The following BAIAP2 variants were observed in gnomAD, a reference collection of about 807,000 sequenced individuals.
BAIAP2 encodes BAR/IMD domain containing adaptor protein 2.
BAIAP2 carries 18 observed loss-of-function variants against 63.0 expected under a neutral mutation model. The observed-to-expected ratio is 0.29, with a 90% CI of 0.20 to 0.42. The LOEUF (loss-of-function observed/expected upper bound fraction) is 0.42, where lower values mean the gene tolerates loss of function less well. BAIAP2 is among the 10% of genes least tolerant of loss of function. The pLI is 1.00. For synonymous variants in BAIAP2, 386 were observed against 307.6 expected (o/e 1.25, Z -2.67); for missense variants, 610 against 734.3 (o/e 0.83, Z 1.96).
Position 81,098,056 on chromosome 17 carries a change from C to T in BAIAP2, c.490-1872C>T, listed in dbSNP as rs779922545. The T allele has an allele frequency of 4.9e-6, 6 of 1,237,114 alleles. No homozygotes were observed. The East Asian group carries it at 1.9e-4, about 38-fold the overall frequency. 76.6% of individuals were successfully genotyped at this position (1,237,114 alleles called of 1,614,324 possible). A position where few individuals can be genotyped will look rare whatever the true frequency, so the allele number is the denominator to read the frequency against. ...TGTGGTGTCACGCGCTACCCCAGACCTCAGGCACATGATCCCCAGGCCAGC... is the reference window on the plus strand; with the variant it reads ...TGTGGTGTCACGCGCTACCCCAGACTTCAGGCACATGATCCCCAGGCCAGC... On this transcript the variant is annotated intron_variant, in intron 6 of 13. Coordinates refer to ENST00000428708, the MANE Select transcript of BAIAP2 (RefSeq NM_001144888.2).
Position 81,110,093 on chromosome 17 carries a change from C to G in BAIAP2, c.1535+1584C>G, listed in dbSNP as rs367650392. The G allele has an allele frequency of 2.8e-3, 2,772 of 985,346 alleles. 20 individuals carry two copies. The South Asian group carries it at 0.034, about 12-fold the overall frequency. 61.0% of individuals were successfully genotyped at this position (985,346 alleles called of 1,614,324 possible). On this transcript the variant is annotated intron_variant, in intron 13 of 13. Transcript: ENST00000428708. ...ACACTGAACTCTGGGGAATTGAGTG[C>G]AGGGCACAGCCCGGCTCAGCCTGCC...
intron 3 of BAIAP2, among the ~76,000 whole-genome samples, chr17:81,071,035 T>C (rs959880406): frequency 2.0e-5 from 3 of 151,962 alleles, no homozygotes; most frequent in Non-Finnish European, 4.4e-5. Flanking sequence ...ACTTGCTTGG[T>C]TTCAGAACTG....
At chr17:81,060,732 C>CA (rs2050399566) in intron 3 of BAIAP2, among the ~76,000 whole-genome samples, 2 of 152,186 alleles carry the variant, frequency 1.3e-5, no homozygotes, top group African/African-American at 2.4e-5. Flanking sequence ...AGCCACTTCC[C>CA]ACCCTCCTAG....
chr17:81,070,619 C>T (rs2052441089), intron 3 of BAIAP2, among the ~76,000 whole-genome samples: 1 of 152,194 alleles, frequency 6.6e-6, no homozygotes. Context: ...GCTGTGGGAG[C>T]TGGGCTTGGC....
chr17:81,036,934 G>C, intron 1 of BAIAP2: 3 of 1,535,912 alleles, frequency 2.0e-6, no homozygotes, highest in Non-Finnish European at 2.6e-6. Context: ...CAGAAAGCAG[G>C]AACTTTCGTG....
chr17:81,096,566 A>T (rs552427346), intron 6 of BAIAP2, among the ~76,000 whole-genome samples: 3 of 152,234 alleles, frequency 2.0e-5, no homozygotes, highest in Non-Finnish European at 4.4e-5. Flanking sequence ...TTGCAGGGGC[A>T]TGGGTGGGTG....
At chr17:81,061,769 A>G (rs544644713) in intron 3 of BAIAP2, among the ~76,000 whole-genome samples, 1 of 151,862 alleles carries the variant, frequency 6.6e-6, no homozygotes, top group South Asian at 2.1e-4. Flanking sequence ...GTTTTTGTTC[A>G]CCACTGATCT....
At chr17:81,072,544 C>T (rs533038419) in intron 3 of BAIAP2, among the ~76,000 whole-genome samples, 2 of 152,338 alleles carry the variant, frequency 1.3e-5, no homozygotes, top group Non-Finnish European at 2.9e-5. Context: ...CGTCCCCACC[C>T]GAACCTGGCA....
chr17:81,055,480 C>T (rs1034234386), intron 2 of BAIAP2, among the ~76,000 whole-genome samples: 2 of 152,178 alleles, frequency 1.3e-5, no homozygotes, highest in African/African-American at 2.4e-5. Context: ...CCCTCCTCTA[C>T]ATCCCTGGGC....
chr17:81,047,701 C>T (rs1309498947), intron 1 of BAIAP2, among the ~76,000 whole-genome samples: 5 of 151,660 alleles, frequency 3.3e-5, no homozygotes, highest in African/African-American at 9.7e-5. Context: ...AGCACACGCA[C>T]GGGTCCACAT....
intron 3 of BAIAP2, among the ~76,000 whole-genome samples, chr17:81,074,673 C>T (rs1049742317): frequency 1.4e-5 from 2 of 144,816 alleles, no homozygotes; most frequent in Admixed American, 1.4e-4. Flanking sequence ...TGCACGGATG[C>T]GTATGAGTGC....
chr17:81,048,644 C>G (rs894995091), intron 1 of BAIAP2, among the ~76,000 whole-genome samples: 1 of 152,202 alleles, frequency 6.6e-6, no homozygotes, highest in Non-Finnish European at 1.5e-5. Context: ...AAAGGGCTCC[C>G]TGGGCTCATC....
intron 1 of BAIAP2, among the ~76,000 whole-genome samples, chr17:81,043,139 T>C (rs975886304): frequency 3.3e-5 from 5 of 152,102 alleles, no homozygotes; most frequent in African/African-American, 1.2e-4. Context: ...AGTGCTGGGA[T>C]TACAGGCGTG....
chr17:81,084,958 C>T, intron 4 of BAIAP2, 65 bp downstream of exon 4: 1 of 1,529,498 alleles, frequency 6.5e-7, no homozygotes, highest in Middle Eastern at 1.7e-4. Context: ...TGGCGCCACA[C>T]CTTGGCCGTG....
intron 13 of BAIAP2, chr17:81,109,276 G>A (rs566418635): frequency 5.4e-6 from 7 of 1,299,744 alleles, no homozygotes; most frequent in Non-Finnish European, 9.8e-7. Context: ...GCCGTGCGGG[G>A]CACCCTCGGC....
chr17:81,110,468 C>T (rs2059787918), intron 13 of BAIAP2: 2 of 1,006,728 alleles, frequency 2.0e-6, no homozygotes, highest in Non-Finnish European at 2.4e-6. Flanking sequence ...CTGAATTGTG[C>T]CCTGTACTGC....
chr17:81,062,758 T>C (rs2050796295), intron 3 of BAIAP2, among the ~76,000 whole-genome samples: 1 of 151,268 alleles, frequency 6.6e-6, no homozygotes, highest in Non-Finnish European at 1.5e-5. Flanking sequence ...AGTACGTGTC[T>C]GCCATTGTCT....
chr17:81,058,942 G>C (rs1288531528), intron 3 of BAIAP2, among the ~76,000 whole-genome samples: 1 of 152,212 alleles, frequency 6.6e-6, no homozygotes. Context: ...GGGTTGCTCT[G>C]TGTCACTTCC....
chr17:81,114,262 C>G (rs1361375176), intron 13 of BAIAP2, among the ~76,000 whole-genome samples: 1 of 151,724 alleles, frequency 6.6e-6, no homozygotes, highest in Admixed American at 6.6e-5. Context: ...GCAGGAGCCA[C>G]TATGCCCAGC....
Sources: allele counts gnomAD v4.1 joint callset (sites outside exome capture counted in the v4.1 genomes callset), GRCh38; gene constraint gnomAD v4.1.1; transcripts MANE v1.5; gene names NCBI Gene and HGNC (gene_info 2026-07-23, HGNC 2026-07-21).